The following DTNB variants were observed in gnomAD, a reference collection of about 807,000 sequenced individuals.
DTNB encodes DTN-B.
A neutral mutation model predicts 90.7 loss-of-function variants in DTNB; 63 were observed. The observed-to-expected ratio is 0.69, with a 90% CI of 0.57 to 0.86. The LOEUF (loss-of-function observed/expected upper bound fraction) is 0.86. Among genes scored for constraint, DTNB ranks in the 40% least tolerant of loss-of-function variants. The probability of loss-of-function intolerance (pLI) is 0.00; values close to 1 mark genes in which losing one functional copy is unlikely to be tolerated. For synonymous variants in DTNB, 277 were observed against 286.7 expected (o/e 0.97, Z 0.34); for missense variants, 744 against 807.1 (o/e 0.92, Z 0.95).
intron 9 of DTNB, among the ~76,000 whole-genome samples, chr2:25,496,268 A>C (rs901699854): frequency 2.6e-5 from 4 of 152,224 alleles, no homozygotes; most frequent in Admixed American, 2.6e-4. Context: ...AAACCTTTCC[A>C]TGATGAATCC....
At chr2:25,635,765 G>T (rs1441297766) in intron 3 of DTNB, among the ~76,000 whole-genome samples, 1 of 152,192 alleles carries the variant, frequency 6.6e-6, no homozygotes, top group Non-Finnish European at 1.5e-5. Context: ...ATATGAAAAT[G>T]AATGTTAAAA....
chr2:25,495,458 G>C (rs1209180240), intron 9 of DTNB, among the ~76,000 whole-genome samples: 1 of 152,170 alleles, frequency 6.6e-6, no homozygotes, highest in Non-Finnish European at 1.5e-5. Context: ...ATATTGTCTA[G>C]AAAGAAAACC....
chr2:25,414,774 G>A (rs1415790579), intron 16 of DTNB, among the ~76,000 whole-genome samples: 1 of 152,070 alleles, frequency 6.6e-6, no homozygotes, highest in African/African-American at 2.4e-5. Flanking sequence ...TGTATGGCAG[G>A]CTGGGCTACA....
intron 5 of DTNB, among the ~76,000 whole-genome samples, chr2:25,596,782 T>C (rs1443286458): frequency 6.6e-6 from 1 of 152,218 alleles, no homozygotes; most frequent in Admixed American, 6.5e-5. Context: ...TCTAATGAGT[T>C]CCAAAGCAGA....
At chr2:25,568,154 C>T (rs1454886879) in intron 8 of DTNB, among the ~76,000 whole-genome samples, 4 of 139,984 alleles carry the variant, frequency 2.9e-5, no homozygotes, top group Admixed American at 7.1e-5. Flanking sequence ...GAGACTCCGT[C>T]TCAAAAAAAA....
At chr2:25,449,111 T>G (rs899192134) in intron 12 of DTNB, among the ~76,000 whole-genome samples, 4 of 152,344 alleles carry the variant, frequency 2.6e-5, no homozygotes, top group East Asian at 3.9e-4. Context: ...GTACTTTTTT[T>G]GTCTGGCTTC....
intron 16 of DTNB, among the ~76,000 whole-genome samples, chr2:25,416,800 G>GGAAT (rs1553349339): frequency 7.8e-6 from 1 of 128,852 alleles, no homozygotes; most frequent in East Asian, 2.0e-4. Flanking sequence ...AAGGAAGGAA[G>GGAAT]GAACGAAGGA....
chr2:25,492,826 G>T (rs2067860711), intron 9 of DTNB, among the ~76,000 whole-genome samples: 1 of 151,968 alleles, frequency 6.6e-6, no homozygotes, highest in African/African-American at 2.4e-5. Context: ...CTCCAGAGTG[G>T]GTGACAAAGT....
At chr2:25,403,940 C>A (rs1665456650) in intron 16 of DTNB, among the ~76,000 whole-genome samples, 1 of 152,126 alleles carries the variant, frequency 6.6e-6, no homozygotes, top group African/African-American at 2.4e-5. Flanking sequence ...CCTAGAGGAA[C>A]CTAGTTTGGA....
intron 2 of DTNB, among the ~76,000 whole-genome samples, chr2:25,648,164 T>C (rs902322321): frequency 1.1e-4 from 16 of 152,206 alleles, no homozygotes; most frequent in South Asian, 2.1e-4. Context: ...GGATTACTCT[T>C]CTCACCTGTC....
At chr2:25,498,326 T>A (rs1383886966) in intron 9 of DTNB, among the ~76,000 whole-genome samples, 1 of 152,144 alleles carries the variant, frequency 6.6e-6, no homozygotes, top group Non-Finnish European at 1.5e-5. Flanking sequence ...CCAACTAGTG[T>A]GACTGTTACT....
intron 19 of DTNB, among the ~76,000 whole-genome samples, chr2:25,381,895 T>G (rs1386866205): frequency 2.0e-5 from 3 of 152,246 alleles, no homozygotes. Context: ...TCTTAGCCAC[T>G]CCAGCCCCTA....
chr2:25,462,392 T>C (rs1051749826), intron 10 of DTNB, among the ~76,000 whole-genome samples: 11 of 151,882 alleles, frequency 7.2e-5, no homozygotes, highest in African/African-American at 2.7e-4. Context: ...AGGCTGGGTG[T>C]AGAGGAGCAG....
At chr2:25,545,082 C>G (rs1338674397) in intron 8 of DTNB, among the ~76,000 whole-genome samples, 1 of 152,318 alleles carries the variant, frequency 6.6e-6, no homozygotes, top group East Asian at 1.9e-4. Context: ...GTTCAGCACT[C>G]TGTATTCTGA....
intron 2 of DTNB, among the ~76,000 whole-genome samples, chr2:25,639,637 A>G (rs1313684264): frequency 6.6e-6 from 1 of 151,484 alleles, no homozygotes; most frequent in Admixed American, 6.6e-5. Context: ...TATTTTCAGA[A>G]CAGTATTTTA....
At chr2:25,458,064 A>G (rs1024818818) in intron 10 of DTNB, among the ~76,000 whole-genome samples, 2 of 151,934 alleles carry the variant, frequency 1.3e-5, no homozygotes, top group Non-Finnish European at 2.9e-5. Context: ...CGATCTCTTG[A>G]CCTTGTGATC....
intron 4 of DTNB, among the ~76,000 whole-genome samples, chr2:25,609,734 C>A (rs1313180595): frequency 6.8e-6 from 1 of 146,430 alleles, no homozygotes; most frequent in Non-Finnish European, 1.5e-5. Flanking sequence ...AGGCTTAGGC[C>A]CAACCCTTAG....
chr2:25,409,916 C>T (rs190026973), intron 16 of DTNB, among the ~76,000 whole-genome samples: 4 of 152,314 alleles, frequency 2.6e-5, no homozygotes, highest in African/African-American at 9.6e-5. Flanking sequence ...GGTCTTTTTG[C>T]TTGACTGCCT....
intron 8 of DTNB, among the ~76,000 whole-genome samples, chr2:25,535,243 G>T (rs80342145): frequency 1.0e-4 from 15 of 145,544 alleles, no homozygotes; most frequent in African/African-American, 3.9e-4. Flanking sequence ...AGGCAGAGAC[G>T]CTCCTCACTT....
Sources: allele counts gnomAD v4.1 joint callset (sites outside exome capture counted in the v4.1 genomes callset), GRCh38; gene constraint gnomAD v4.1.1; transcripts MANE v1.5; gene names NCBI Gene and HGNC (gene_info 2026-07-23, HGNC 2026-07-21).